The following PIK3C2B variants were observed in gnomAD, a reference collection of about 807,000 sequenced individuals.
PIK3C2B encodes phosphatidylinositol-4-phosphate 3-kinase catalytic subunit type 2 beta.
PIK3C2B carries 83 observed loss-of-function variants against 184.3 expected under a neutral mutation model. That is an observed-to-expected ratio of 0.45 (90% CI 0.38 to 0.54). The LOEUF is 0.54. PIK3C2B is among the 20% of genes least tolerant of loss of function. The pLI is 0.00. For synonymous variants in PIK3C2B, 779 were observed against 837.6 expected (o/e 0.93, Z 1.21); for missense variants, 1,736 against 2,113.5 (o/e 0.82, Z 3.50).
At position 204,428,144 on chromosome 1, in the gene PIK3C2B, G is replaced by C; in HGVS notation, c.4475C>G (p.Ser1492Cys). The C allele has an allele frequency of 6.3e-7, 1 of 1,599,910 alleles. No individual in the cohort carries two copies. Among genetic ancestry groups the C allele is most frequent in the African/African-American group, 1.3e-5 (1 of 74,778 alleles). ...TCTCAGAGAAGATACTGTACCTGAG[G>C]ACTTAGGAGCTGGGCTGGTGCCCAT... Reference protein sequence around the residue: ...KAMGTSPAPKSSDGTWARPVG... With the variant: ...KAMGTSPAPKCSDGTWARPVG... Residue 1492 changes from serine (S) to cysteine (C), a missense_variant, in exon 30 of 33, where the codon TCC (serine) becomes TGC (cysteine). Physicochemically the swap from Ser to Cys is moderately radical, Grantham distance 112. Coordinates refer to ENST00000684373, the MANE Select transcript of PIK3C2B (RefSeq NM_001377334.1).
intron 29 of PIK3C2B, 53 bp from the exon 30 acceptor site, chr1:204,428,273 C>G: frequency 9.0e-7 from 1 of 1,110,818 alleles, no homozygotes; most frequent in Non-Finnish European, 1.4e-6. Flanking sequence ...TGGCCCAATA[C>G]AAAAAGGAAG....
At chr1:204,485,823 G>A (rs7547415) in intron 1 of PIK3C2B, among the ~76,000 whole-genome samples, 5,386 of 151,984 alleles carry the variant, frequency 0.035, 153 homozygotes, top group Middle Eastern at 0.068. Context: ...TGCCTGCCCC[G>A]GCCTCCCAAA....
intron 26 of PIK3C2B, among the ~76,000 whole-genome samples, chr1:204,432,721 C>T (rs556288384): frequency 2.2e-4 from 33 of 152,278 alleles, no homozygotes; most frequent in Non-Finnish European, 4.1e-4. Context: ...AGGTTCATTA[C>T]AATAGAACCT....
In PIK3C2B at chr1:204,469,546, C is replaced by T. The variant is rs1336510088; in HGVS notation, c.257G>A (p.Gly86Asp). 1.3e-6 allele frequency: 2 copies of T among 1,597,244 alleles called. No individual in the cohort carries two copies. Among genetic ancestry groups the T allele is most frequent in the Non-Finnish European group, 1.7e-6 (2 of 1,171,820 alleles). The change falls in exon 2 of 33, where the codon GGC becomes GAC. Residue 86 changes from glycine to aspartate, a missense_variant. Coordinates refer to ENST00000684373, the MANE Select transcript of PIK3C2B (RefSeq NM_001377334.1). The part of the protein sequence containing the change: ...TDLKLLRGLS[G>D]SDPTLNYNSL... ...GTTGTAGTTAAGGGTAGGATCAGAG[C>T]CAGAGAGACCGCGTAACAGCTTGAG...
At chr1:204,487,421 T>G (rs1215357705) in intron 1 of PIK3C2B, among the ~76,000 whole-genome samples, 1 of 152,216 alleles carries the variant, frequency 6.6e-6, no homozygotes, top group Non-Finnish European at 1.5e-5. Context: ...TTACCTCGTA[T>G]TTATCTTTGT....
At chr1:204,450,123 T>A in intron 12 of PIK3C2B, 106 bp from the exon 13 acceptor site, 1 of 950,064 alleles carries the variant, frequency 1.1e-6, no homozygotes, top group South Asian at 1.8e-5. Context: ...ACAGCCTCCC[T>A]CTCAGGGTTC....
intron 3 of PIK3C2B, 150 bp downstream of exon 3, chr1:204,465,069 A>G (rs986824450): frequency 1.2e-5 from 8 of 642,402 alleles, no homozygotes; most frequent in African/African-American, 1.1e-4. Flanking sequence ...AACCCTGCAG[A>G]CACTTGTTGT....
At position 204,447,452 on chromosome 1, in the gene PIK3C2B, T is replaced by G. The variant is rs371095343; in HGVS notation, c.2473A>C (p.Lys825Gln). 1.9e-6 allele frequency: 3 copies of G among 1,613,858 alleles called. No homozygotes were observed. The highest frequency in any genetic ancestry group is 1.7e-6 in the Non-Finnish European group (2 of 1,179,918). ...GGGTCTCACCAGTACAAGGACTCTTTCTGCATGATGTCTTTAAGCTTGCGC... is the reference window on the plus strand; with the variant it reads ...GGGTCTCACCAGTACAAGGACTCTTGCTGCATGATGTCTTTAAGCTTGCGC... ...DQRKLKDIMQ[K>Q]ESLYWLTDAD... The change falls in exon 15 of 33, where the codon AAA becomes CAA. Residue 825 changes from lysine (K) to glutamine (Q), a missense_variant. Physicochemically the swap from Lys to Gln is moderately conservative, Grantham distance 53. Transcript: ENST00000684373. This position sits in a 1 kb window ranked among gnomAD's most constrained non-coding sequence, Gnocchi z 4.1.
chr1:204,432,589 G>C (rs1177846024), intron 26 of PIK3C2B, among the ~76,000 whole-genome samples, 188 bp from the exon 27 acceptor site: 2 of 152,060 alleles, frequency 1.3e-5, no homozygotes, highest in Admixed American at 1.3e-4. Context: ...TTGCTCATGT[G>C]AACCCCAGGG....
chr1:204,474,254 G>A (rs748557513), intron 1 of PIK3C2B, among the ~76,000 whole-genome samples: 1 of 152,034 alleles, frequency 6.6e-6, no homozygotes, highest in Non-Finnish European at 1.5e-5. Context: ...GCCCCCCAAA[G>A]TGCTGGGATT....
chr1:204,426,781 T>C (rs186651337), intron 31 of PIK3C2B, among the ~76,000 whole-genome samples: 34 of 152,278 alleles, frequency 2.2e-4, no homozygotes, highest in Non-Finnish European at 1.2e-4. Flanking sequence ...TCCTGCCATA[T>C]CCCACTGCCC....
chr1:204,424,418 T>TG lies in PIK3C2B; in HGVS notation c.*433dup, dbSNP rs1175396385. 10 of 291,228 alleles carry TG rather than the reference T, an allele frequency of 3.4e-5. No homozygotes were observed. Among genetic ancestry groups the TG allele is most frequent in the Admixed American group, 2.5e-4 (6 of 23,970 alleles). 18.0% of individuals were successfully genotyped at this position (291,228 alleles called of 1,614,324 possible). A position where few individuals can be genotyped will look rare whatever the true frequency, so the allele number is the denominator to read the frequency against. ...CAAATAGTCTTCCTCTCTTGCCTTC[T>TG]GGGGCATAGGTACGTCCCTTCTCGC... On this transcript the variant is annotated 3_prime_UTR_variant, in exon 33 of 33. Transcript: ENST00000684373.
At chr1:204,432,170 A>G in intron 27 of PIK3C2B, 30 bp downstream of exon 27, 1 of 1,595,470 alleles carries the variant, frequency 6.3e-7, no homozygotes, top group Non-Finnish European at 8.6e-7. Context: ...AGAGAGCAGG[A>G]AAGGGGGTCA....
chr1:204,468,634 G>T (rs980401438), intron 2 of PIK3C2B, among the ~76,000 whole-genome samples: 1 of 152,158 alleles, frequency 6.6e-6, no homozygotes, highest in African/African-American at 2.4e-5. Flanking sequence ...CAGAAGGCCC[G>T]TTTTGGCCAA....
chr1:204,432,204 C>G lies in PIK3C2B; in HGVS notation c.4151G>C (p.Gly1384Ala). The G allele has an allele frequency of 6.2e-7, 1 of 1,613,542 alleles. No homozygotes were observed. Among genetic ancestry groups the G allele is most frequent in the South Asian group, 1.1e-5 (1 of 91,046 alleles). The part of the protein sequence containing the change: ...RHEKIFHPNK[G>A]YIYVVKVMRE... ...CAGATTGGAGAAAACACTTACATAG[C>G]CTTTGTTGGGGTGGAAGATCTTCTC... Residue 1384 changes from glycine to alanine, a missense_variant, in exon 27 of 33, where the codon GGC becomes GCC. Coordinates refer to ENST00000684373, the MANE Select transcript of PIK3C2B (RefSeq NM_001377334.1).
In PIK3C2B at chr1:204,433,342, C is replaced by T. The variant is rs1327810083; in HGVS notation, c.3927G>A (p.Glu1309=). ...VYDALRPQDT[E]ANATTYFTRL... The stretch of plus-strand genomic sequence containing the variant: ...TAGTGAAGTAGGTAGTGGCATTGGC[C>T]TCTGTATCCTGAGGCCTCAGGGCAT... The change falls in exon 26 of 33, where the codon GAG becomes GAA. Residue 1309 remains glutamate, a synonymous_variant. Coordinates refer to ENST00000684373, the MANE Select transcript of PIK3C2B (RefSeq NM_001377334.1). The surrounding 1 kb of genome is among the most constrained non-coding windows in gnomAD (Gnocchi z 5.0). 4 of 1,604,728 alleles carry T rather than the reference C, an allele frequency of 2.5e-6. No homozygotes were observed. Among genetic ancestry groups the T allele is most frequent in the South Asian group, 1.1e-5 (1 of 90,878 alleles).
intron 29 of PIK3C2B, among the ~76,000 whole-genome samples, chr1:204,429,422 T>G (rs987469813): frequency 9.9e-5 from 15 of 152,202 alleles, no homozygotes; most frequent in Admixed American, 3.3e-4. Flanking sequence ...AATCCAGAGT[T>G]ATACTTAAGC....
chr1:204,486,430 A>C (rs1413511402), intron 1 of PIK3C2B, among the ~76,000 whole-genome samples: 5 of 150,526 alleles, frequency 3.3e-5, no homozygotes, highest in African/African-American at 4.9e-5. Flanking sequence ...AACACAACAA[A>C]AAAAAAACGA....
At chr1:204,430,350 C>CT (rs563387033) in intron 28 of PIK3C2B, among the ~76,000 whole-genome samples, 12,515 of 145,114 alleles carry the variant, frequency 0.086, 982 homozygotes, top group East Asian at 0.45. Context: ...TGTAAAAATC[C>CT]TTTTTTTTTT....
Sources: allele counts gnomAD v4.1 joint callset (sites outside exome capture counted in the v4.1 genomes callset), GRCh38; gene constraint gnomAD v4.1.1; non-coding constraint Gnocchi (gnomAD v3.1); transcripts MANE v1.5; gene names NCBI Gene and HGNC (gene_info 2026-07-23, HGNC 2026-07-21).